THSD7B: variants seen among roughly 807,000 people sequenced by gnomAD.
The protein encoded by THSD7B is thrombospondin type-1 domain-containing protein 7B.
A neutral mutation model predicts 213.6 loss-of-function variants in THSD7B; 138 were observed. The observed-to-expected ratio is 0.65, with a 90% confidence interval of 0.56 to 0.74. The LOEUF is 0.74. Ranked by LOEUF, THSD7B falls within the 30% of genes least tolerant of loss-of-function variation. The pLI, the probability that THSD7B is intolerant of heterozygous loss-of-function variation, is 0.00. For missense variants in THSD7B, 1,931 were observed against 1,991.5 expected (o/e 0.97, Z 0.58); for synonymous variants, 742 against 687.0 (o/e 1.08, Z -1.25).
chr2:137,674,901 T>A (rs1683662602), intron 27 of THSD7B, among the ~76,000 whole-genome samples: 1 of 152,212 alleles, frequency 6.6e-6, no homozygotes, highest in African/African-American at 2.4e-5. Flanking sequence ...TTCTTTAACT[T>A]GTATGATTTG....
chr2:137,012,070 C>A (rs1191758436), intron 2 of THSD7B, among the ~76,000 whole-genome samples: 1 of 152,164 alleles, frequency 6.6e-6, no homozygotes, highest in Non-Finnish European at 1.5e-5. Flanking sequence ...AAAACCCCAT[C>A]CTCAATCAGG....
chr2:137,448,927 C>G (rs1474677255), intron 14 of THSD7B, among the ~76,000 whole-genome samples: 3 of 152,102 alleles, frequency 2.0e-5, no homozygotes, highest in Non-Finnish European at 4.4e-5. Flanking sequence ...ATTTTACAGA[C>G]AAGGTTGAAA....
chr2:137,266,634 A>C (rs74645144), intron 10 of THSD7B, among the ~76,000 whole-genome samples: 4,071 of 152,282 alleles, frequency 0.027, 107 homozygotes, highest in Middle Eastern at 0.092. Flanking sequence ...GAAACCCCTA[A>C]AGGTTAATTT....
chr2:137,341,367 A>G (rs1034681912), intron 12 of THSD7B, among the ~76,000 whole-genome samples: 1 of 151,392 alleles, frequency 6.6e-6, no homozygotes, highest in African/African-American at 2.4e-5. Flanking sequence ...TATGGTTTGC[A>G]AATATTTTTT....
chr2:137,252,022 C>A (rs74963231), intron 10 of THSD7B, among the ~76,000 whole-genome samples: 1 of 151,766 alleles, frequency 6.6e-6, no homozygotes, highest in African/African-American at 2.4e-5. Flanking sequence ...TAATACCAGC[C>A]CTTGGGAGGC....
intron 2 of THSD7B, among the ~76,000 whole-genome samples, chr2:137,043,283 G>A (rs897345660): frequency 2.0e-4 from 31 of 152,164 alleles, no homozygotes; most frequent in African/African-American, 7.5e-4. Flanking sequence ...TTCTTCAGCT[G>A]TCAGTCAGTT....
chr2:137,589,126 T>C (rs2104811354), intron 17 of THSD7B, among the ~76,000 whole-genome samples: 1 of 152,324 alleles, frequency 6.6e-6, no homozygotes, highest in African/African-American at 2.4e-5. Context: ...ATGCTTTTGA[T>C]ATTTGGCGGA....
intron 1 of THSD7B, among the ~76,000 whole-genome samples, chr2:136,792,776 C>T (rs972195240): frequency 6.6e-6 from 1 of 151,982 alleles, no homozygotes; most frequent in African/African-American, 2.4e-5. Context: ...GATCTTTTTC[C>T]TGTCTCTGTA....
chr2:136,892,032 G>A (rs1204916569), intron 2 of THSD7B, among the ~76,000 whole-genome samples: 1 of 152,094 alleles, frequency 6.6e-6, no homozygotes, highest in Admixed American at 6.6e-5. Context: ...AAATTCTTCA[G>A]GTATCCCTTT....
chr2:137,566,826 T>C (rs975474865), intron 16 of THSD7B, among the ~76,000 whole-genome samples: 1 of 152,162 alleles, frequency 6.6e-6, no homozygotes, highest in African/African-American at 2.4e-5. Flanking sequence ...ATGTCTTTGC[T>C]ATGAAATGCC....
At chr2:137,139,342 A>G (rs1679534134) in intron 5 of THSD7B, among the ~76,000 whole-genome samples, 1 of 152,122 alleles carries the variant, frequency 6.6e-6, no homozygotes, top group East Asian at 1.9e-4. Flanking sequence ...CTAATAGATT[A>G]TATCTCTGAA....
intron 12 of THSD7B, among the ~76,000 whole-genome samples, chr2:137,326,568 T>C (rs1684378977): frequency 6.6e-6 from 1 of 152,234 alleles, no homozygotes. Context: ...ACGGTGGCTC[T>C]GTTTTTTAAA....
At chr2:136,920,067 CCTT>C (rs1035341475) in intron 2 of THSD7B, among the ~76,000 whole-genome samples, 1 of 152,226 alleles carries the variant, frequency 6.6e-6, no homozygotes. Flanking sequence ...GCTCTTCTCT[CCTT>C]CTTGTCACCT....
chr2:137,459,429 G>T (rs996487940), intron 15 of THSD7B, among the ~76,000 whole-genome samples: 1 of 152,172 alleles, frequency 6.6e-6, no homozygotes, highest in Admixed American at 6.5e-5. Context: ...CACTTTGAGA[G>T]GCCAAACAGG....
intron 17 of THSD7B, among the ~76,000 whole-genome samples, chr2:137,614,748 G>A (rs2592091): frequency 0.49 from 74,507 of 151,872 alleles, 19,630 homozygotes; most frequent in African/African-American, 0.69. Context: ...ACAGATCCAA[G>A]TACAAAATCA....
At chr2:137,033,500 G>T (rs1347221874) in intron 2 of THSD7B, among the ~76,000 whole-genome samples, 2 of 152,208 alleles carry the variant, frequency 1.3e-5, no homozygotes. Flanking sequence ...GGATGGAGAA[G>T]TAGACTCCAC....
At chr2:136,789,982 A>G (rs2104913000) in intron 1 of THSD7B, among the ~76,000 whole-genome samples, 1 of 152,106 alleles carries the variant, frequency 6.6e-6, no homozygotes, top group East Asian at 1.9e-4. Flanking sequence ...TTTATTTCTT[A>G]AACCCATTAG....
Position 137,061,881 on chromosome 2 carries a change from A to G in THSD7B, c.950+4651A>G, listed in dbSNP as rs902450859. Among the ~76,000 whole-genome samples the G allele has an allele frequency of 2.6e-5, 4 of 151,874 alleles. No homozygotes were observed. The East Asian group carries it at 7.7e-4, about 29-fold the overall frequency. ...ATGCTGCCCTCTTCGAATGAATTGG[A>G]AAGTATTTTCTGTGCTTTCATTTTC... On this transcript the variant is annotated intron_variant, in intron 3 of 27. Coordinates refer to ENST00000409968, the MANE Select transcript of THSD7B (RefSeq NM_001316349.2).
chr2:137,200,644 C>A (rs1350732997), intron 7 of THSD7B, among the ~76,000 whole-genome samples: 2 of 151,958 alleles, frequency 1.3e-5, no homozygotes, highest in African/African-American at 4.8e-5. Context: ...ATGGTCCATA[C>A]TGTAACCACT....
Sources: allele counts gnomAD v4.1 joint callset (sites outside exome capture counted in the v4.1 genomes callset), GRCh38; gene constraint gnomAD v4.1.1; transcripts MANE v1.5; gene names NCBI Gene and HGNC (gene_info 2026-07-23, HGNC 2026-07-21).